Variants in NKAIN3 observed in about 807,000 individuals in gnomAD.
The protein encoded by NKAIN3 is sodium/potassium transporting ATPase interacting 3, also known as sodium/potassium-transporting ATPase subunit beta-1-interacting protein 3.
A neutral mutation model predicts 30.2 loss-of-function variants in NKAIN3; 25 were observed. The ratio of observed to expected loss-of-function variants is 0.83; its 90% CI spans 0.60 to 1.16. NKAIN3 has a LOEUF of 1.16. Ranked by LOEUF, NKAIN3 falls within the 50% of genes most tolerant of loss-of-function variation. The probability of loss-of-function intolerance (pLI) is 0.00; values close to 1 mark genes in which losing one functional copy is unlikely to be tolerated. For synonymous variants in NKAIN3, 91 were observed against 89.6 expected, an observed-to-expected ratio of 1.02 and a Z score of -0.09; for missense variants, 225 against 254.1, an observed-to-expected ratio of 0.89 and a Z score of 0.78.
At chr8:62,345,017 C>T (rs1326220119) in intron 1 of NKAIN3, among the ~76,000 whole-genome samples, 3 of 151,798 alleles carry the variant, frequency 2.0e-5, no homozygotes, top group South Asian at 2.1e-4. Flanking sequence ...AGATCTTTTA[C>T]GTCTTCGATT....
At chr8:62,537,319 G>A (rs1426652155) in intron 1 of NKAIN3, among the ~76,000 whole-genome samples, 2 of 152,214 alleles carry the variant, frequency 1.3e-5, no homozygotes, top group African/African-American at 2.4e-5. Flanking sequence ...TAAAGGAACT[G>A]ATTTTACTTA....
intron 1 of NKAIN3, among the ~76,000 whole-genome samples, chr8:62,568,776 T>C (rs1036341797): frequency 6.6e-6 from 1 of 152,182 alleles, no homozygotes; most frequent in African/African-American, 2.4e-5. Flanking sequence ...ATTTTAAGGA[T>C]AGGAAATCCC....
At chr8:62,435,798 A>T (rs1256194059) in intron 1 of NKAIN3, among the ~76,000 whole-genome samples, 2 of 152,216 alleles carry the variant, frequency 1.3e-5, no homozygotes, top group Admixed American at 6.5e-5. Context: ...TTTGTTCCCC[A>T]AGATGTACAT....
In NKAIN3 at chr8:62,825,345, G is replaced by C. The variant is rs561243980; in HGVS notation, c.471+78216G>C. On this transcript the variant is annotated intron_variant, in intron 4 of 6. Transcript: ENST00000623646. ...TTATTGGAGATTCAACAAATGGTTGGGGCAAATCCATAATAAATTGTGTAT... is the reference window on the plus strand; with the variant it reads ...TTATTGGAGATTCAACAAATGGTTGCGGCAAATCCATAATAAATTGTGTAT... 3.3e-5 allele frequency among the ~76,000 whole-genome samples: 5 copies of C among 152,210 alleles called. No individual in the cohort carries two copies. The South Asian group carries it at 1.0e-3, about 32-fold the overall frequency.
chr8:62,566,488 A>G (rs1809753891), intron 1 of NKAIN3, among the ~76,000 whole-genome samples: 1 of 151,798 alleles, frequency 6.6e-6, no homozygotes, highest in African/African-American at 2.4e-5. Context: ...ATGGCTTTAT[A>G]TTTATAAAAC....
chr8:62,845,293 A>ATATATATATATATT lies in NKAIN3; in HGVS notation c.472-73147_472-73146insTTATATATATATAT, dbSNP rs1364831438. 2.2e-5 allele frequency among the ~76,000 whole-genome samples: 3 copies of ATATATATATATATT among 135,382 alleles called. 1 individual carries two copies. Among genetic ancestry groups the ATATATATATATATT allele is most frequent in the Non-Finnish European group, 4.8e-5 (3 of 62,428 alleles). 88.8% of individuals were successfully genotyped at this position (135,382 alleles called of 152,430 possible). A position where few individuals can be genotyped will look rare whatever the true frequency, so the allele number is the denominator to read the frequency against. ...ACCTGCTGGATAGTAGATTATATAT[A>ATATATATATATATT]TATATATATATATATATATAGTACC... On this transcript the variant is annotated intron_variant, in intron 4 of 6. Coordinates refer to ENST00000623646, the MANE Select transcript of NKAIN3 (RefSeq NM_001304533.3).
At chr8:62,898,869 A>G (rs947270392) in intron 4 of NKAIN3, among the ~76,000 whole-genome samples, 3 of 152,140 alleles carry the variant, frequency 2.0e-5, no homozygotes, top group Non-Finnish European at 4.4e-5. Flanking sequence ...TAAGGAGCTC[A>G]AGCAACTCTA....
intron 1 of NKAIN3, among the ~76,000 whole-genome samples, chr8:62,347,377 GC>G (rs1410565114): frequency 6.6e-6 from 1 of 152,198 alleles, no homozygotes; most frequent in African/African-American, 2.4e-5. Flanking sequence ...TATGAGTCTT[GC>G]CTTTAAAGAA....
chr8:62,393,234 T>A (rs1693635030), intron 1 of NKAIN3, among the ~76,000 whole-genome samples: 3 of 152,122 alleles, frequency 2.0e-5, no homozygotes. Flanking sequence ...TTTATAGTTT[T>A]ACCTCTTATA....
intron 1 of NKAIN3, among the ~76,000 whole-genome samples, chr8:62,509,373 A>T (rs990960361): frequency 6.6e-6 from 1 of 152,086 alleles, no homozygotes; most frequent in Non-Finnish European, 1.5e-5. Flanking sequence ...ATCCGGCAAG[A>T]TATGCAGCCC....
At position 62,878,114 on chromosome 8, in the gene NKAIN3, A is replaced by C. The variant is rs576080586; in HGVS notation, c.472-40339A>C. Reference sequence around the variant, plus strand: ...TTTCAGCCAATAATAAAATATGTGCAATAATTTGCTTTGTTTCAATCTTCT... The same window carrying C: ...TTTCAGCCAATAATAAAATATGTGCCATAATTTGCTTTGTTTCAATCTTCT... On this transcript the variant is annotated intron_variant, in intron 4 of 6. Transcript: ENST00000623646. Among the ~76,000 whole-genome samples, 4 of 152,004 alleles carry C rather than the reference A, an allele frequency of 2.6e-5. No individual in the cohort carries two copies. In the East Asian group the frequency reaches 7.7e-4, roughly 29 times the overall value.
At chr8:62,751,103 C>T (rs143262295) in intron 4 of NKAIN3, among the ~76,000 whole-genome samples, 2 of 152,246 alleles carry the variant, frequency 1.3e-5, no homozygotes, top group Non-Finnish European at 2.9e-5. Context: ...GGGAGGCCCT[C>T]GTGACCTGCG....
intron 3 of NKAIN3, 76 bp downstream of exon 3, chr8:62,589,870 G>C: frequency 1.7e-6 from 1 of 594,500 alleles, no homozygotes. Context: ...ACATATATAG[G>C]TATATTGTGT....
chr8:62,257,974 T>C (rs1423151611), intron 1 of NKAIN3, among the ~76,000 whole-genome samples: 1 of 152,140 alleles, frequency 6.6e-6, no homozygotes, highest in East Asian at 1.9e-4. Flanking sequence ...AATAAATTGT[T>C]TTCTATCCCC....
chr8:62,584,322 T>C (rs1323512510), intron 2 of NKAIN3, among the ~76,000 whole-genome samples: 6 of 152,212 alleles, frequency 3.9e-5, no homozygotes, highest in East Asian at 3.8e-4. Context: ...TAATAAAATA[T>C]GTATGTTCAC....
chr8:62,994,850 A>G (rs1225479217), intron 5 of NKAIN3, among the ~76,000 whole-genome samples: 1 of 152,152 alleles, frequency 6.6e-6, no homozygotes, highest in Non-Finnish European at 1.5e-5. Context: ...GCTTTCTTAT[A>G]GTTTTTTCAG....
chr8:62,299,244 A>G (rs747118696), intron 1 of NKAIN3, among the ~76,000 whole-genome samples: 1 of 152,104 alleles, frequency 6.6e-6, no homozygotes, highest in Non-Finnish European at 1.5e-5. Flanking sequence ...CTGTGCAAAG[A>G]AGAGAAAAAC....
chr8:62,668,840 C>T (rs759292503), intron 3 of NKAIN3, among the ~76,000 whole-genome samples: 1 of 152,106 alleles, frequency 6.6e-6, no homozygotes, highest in Non-Finnish European at 1.5e-5. Flanking sequence ...GTCATTATAA[C>T]TAATTGTCAA....
At chr8:62,858,649 C>A (rs908255970) in intron 4 of NKAIN3, among the ~76,000 whole-genome samples, 1 of 152,190 alleles carries the variant, frequency 6.6e-6, no homozygotes, top group East Asian at 1.9e-4. Flanking sequence ...GGCAAAGCAG[C>A]TATGCTGCAC....
Sources: gnomAD v4.1 joint callset for allele counts (sites outside exome capture counted in the v4.1 genomes callset) on GRCh38, gnomAD v4.1.1 for gene constraint, MANE v1.5 for transcripts, NCBI Gene and HGNC (gene_info 2026-07-23, HGNC 2026-07-21) for gene names.